NRXN1: variants seen among roughly 807,000 people sequenced by gnomAD.
The protein encoded by NRXN1 is neurexin-1.
NRXN1 carries 39 observed loss-of-function variants against 150.9 expected under a neutral mutation model. The ratio of observed to expected loss-of-function variants is 0.26; its 90% CI spans 0.20 to 0.34. The LOEUF is 0.34. Among genes scored for constraint, NRXN1 ranks in the 10% least tolerant of loss-of-function variants. The probability of loss-of-function intolerance (pLI) is 1.00; values close to 1 mark genes in which losing one functional copy is unlikely to be tolerated. For synonymous variants in NRXN1, 924 were observed against 757.0 expected, an observed-to-expected ratio of 1.22 and a Z score of -3.62; for missense variants, 1,815 against 1,949.9, an observed-to-expected ratio of 0.93 and a Z score of 1.30.
At chr2:50,102,650 G>T (rs1701129236) in intron 18 of NRXN1, among the ~76,000 whole-genome samples, 1 of 151,984 alleles carries the variant, frequency 6.6e-6, no homozygotes, top group Non-Finnish European at 1.5e-5. Context: ...AAAGAGTAAG[G>T]ATAGCATGAG....
In NRXN1 at chr2:50,427,206, A is replaced by C. The variant is rs142271352; in HGVS notation, c.3364+38236T>G. 7.9e-5 allele frequency among the ~76,000 whole-genome samples: 12 copies of C among 152,352 alleles called. No individual in the cohort carries two copies. In the East Asian group the frequency reaches 2.3e-3, roughly 29 times the overall value. On this transcript the variant is annotated intron_variant, in intron 17 of 22. Transcript: ENST00000401669. ...TAATCCATTGCTCTCAGAAAGTTATAGGACGATATCCAAATGAGAAGCCAT... is the reference window on the plus strand; with the variant it reads ...TAATCCATTGCTCTCAGAAAGTTATCGGACGATATCCAAATGAGAAGCCAT...
chr2:50,270,267 G>A lies in NRXN1; in HGVS notation c.3365-33297C>T, dbSNP rs545632735. Among the ~76,000 whole-genome samples the A allele has an allele frequency of 5.3e-5, 8 of 152,240 alleles. No homozygotes were observed. In the East Asian group the frequency reaches 1.5e-3, roughly 29 times the overall value. On this transcript the variant is annotated intron_variant, in intron 17 of 22. Coordinates refer to ENST00000401669, the MANE Select transcript of NRXN1 (RefSeq NM_001330078.2). ...ACTAAAATTCAACCTACCATCATTTGTAACATGAGCGTGGGGAAAGTAAAT... is the reference window on the plus strand; with the variant it reads ...ACTAAAATTCAACCTACCATCATTTATAACATGAGCGTGGGGAAAGTAAAT...
At chr2:50,585,928 G>T (rs931378729) in intron 8 of NRXN1, among the ~76,000 whole-genome samples, 6 of 152,278 alleles carry the variant, frequency 3.9e-5, no homozygotes, top group African/African-American at 1.4e-4. Context: ...ATCTACTCAG[G>T]CATTCTGGTA....
rs143721346 is a variant in NRXN1 at position 50,907,724 on chromosome 2, T to C, written c.832+14145A>G. On this transcript the variant is annotated intron_variant, in intron 5 of 22. Coordinates refer to ENST00000401669, the MANE Select transcript of NRXN1 (RefSeq NM_001330078.2). ...GAAAGGAGTCACCAGCCAAGGAATATAGGCAGCCTCAAAAAAGATAGAAAA... is the reference window on the plus strand; with the variant it reads ...GAAAGGAGTCACCAGCCAAGGAATACAGGCAGCCTCAAAAAAGATAGAAAA... Among the ~76,000 whole-genome samples, 556 of 152,072 alleles carry C rather than the reference T, an allele frequency of 3.7e-3. 5 individuals carry two copies. The highest frequency in any genetic ancestry group is 0.013 in the African/African-American group (523 of 41,516).
chr2:50,997,943 G>T (rs749239195), intron 2 of NRXN1, among the ~76,000 whole-genome samples: 1 of 141,568 alleles, frequency 7.1e-6, no homozygotes, highest in Admixed American at 6.8e-5. Flanking sequence ...GAAGTGCCAT[G>T]ATGAGTTCCG....
intron 17 of NRXN1, among the ~76,000 whole-genome samples, chr2:50,408,731 T>C (rs1196393965): frequency 6.6e-6 from 1 of 152,164 alleles, no homozygotes; most frequent in African/African-American, 2.4e-5. Flanking sequence ...GACTTCCATT[T>C]GCCCCTCTGC....
intron 5 of NRXN1, among the ~76,000 whole-genome samples, chr2:50,829,969 G>C (rs1035780479): frequency 1.8e-5 from 2 of 113,690 alleles, no homozygotes; most frequent in African/African-American, 7.2e-5. Context: ...AGGAGAAACC[G>C]CACAGGAACC....
intron 21 of NRXN1, among the ~76,000 whole-genome samples, chr2:49,955,895 T>C (rs545158610): frequency 6.6e-6 from 1 of 152,218 alleles, no homozygotes; most frequent in South Asian, 2.1e-4. Context: ...CCATTTGTAC[T>C]CATTTGTTGA....
intron 21 of NRXN1, among the ~76,000 whole-genome samples, chr2:49,973,545 G>A (rs905837370): frequency 1.3e-5 from 2 of 151,974 alleles, no homozygotes; most frequent in African/African-American, 4.8e-5. Context: ...AAAGCAGTCT[G>A]GCAAGTACTG....
At chr2:50,792,007 G>T (rs1430154875) in intron 5 of NRXN1, among the ~76,000 whole-genome samples, 1 of 152,040 alleles carries the variant, frequency 6.6e-6, no homozygotes, top group Non-Finnish European at 1.5e-5. Flanking sequence ...TAGTTAAGCA[G>T]GAGTGCAGAA....
rs989904365 is a variant in NRXN1 at position 50,239,340 on chromosome 2, A to C, written c.3365-2370T>G. On this transcript the variant is annotated intron_variant, in intron 17 of 22. Transcript: ENST00000401669. ...TTGTTCTCTAATGACTATATACATT[A>C]TGTGAAATAAGAAAAATATTCAAAA... Among the ~76,000 whole-genome samples, 3 of 151,566 alleles carry C rather than the reference A, an allele frequency of 2.0e-5. No homozygotes were observed. The Admixed American group carries it at 2.0e-4, about 10-fold the overall frequency.
intron 17 of NRXN1, among the ~76,000 whole-genome samples, chr2:50,389,486 T>C (rs972349664): frequency 4.0e-5 from 6 of 151,888 alleles, no homozygotes; most frequent in Non-Finnish European, 8.8e-5. Context: ...GAACATGTCA[T>C]TGATACAAGT....
In NRXN1 at chr2:50,682,620, G is replaced by A. The variant is rs566523184; in HGVS notation, c.833-59005C>T. 3.1e-4 allele frequency among the ~76,000 whole-genome samples: 47 copies of A among 152,202 alleles called. No individual in the cohort carries two copies. In the South Asian group the frequency reaches 9.8e-3, roughly 32 times the overall value. ...GAAGCAGAAAGGGTAAAAACAAAGC[G>A]AGTAATGGTGACATGCAATATTGTC... On this transcript the variant is annotated intron_variant, in intron 5 of 22. Coordinates refer to ENST00000401669, the MANE Select transcript of NRXN1 (RefSeq NM_001330078.2).
chr2:50,435,116 G>C (rs968934180), intron 17 of NRXN1, among the ~76,000 whole-genome samples: 3 of 152,058 alleles, frequency 2.0e-5, no homozygotes, highest in African/African-American at 7.2e-5. Flanking sequence ...AAGCATTTTA[G>C]AGACAGAAAA....
At chr2:50,050,707 AAAGTCAATTACG>A (rs1259945835) in intron 21 of NRXN1, among the ~76,000 whole-genome samples, 11 of 152,174 alleles carry the variant, frequency 7.2e-5, no homozygotes, top group African/African-American at 2.4e-4. Context: ...GGACAATTGA[AAAGTCAATTACG>A]AATTATGGAA....
At chr2:50,994,374 G>A (rs974981545) in intron 2 of NRXN1, among the ~76,000 whole-genome samples, 3 of 151,872 alleles carry the variant, frequency 2.0e-5, no homozygotes, top group Non-Finnish European at 4.4e-5. Context: ...ACTTAAATAG[G>A]GAGATAACTT....
chr2:50,984,094 A>T (rs1328793843), intron 2 of NRXN1, among the ~76,000 whole-genome samples: 2 of 149,004 alleles, frequency 1.3e-5, no homozygotes, highest in Non-Finnish European at 3.0e-5. Context: ...CAGCCTCCCA[A>T]GTAGCTATGA....
chr2:50,000,861 A>G (rs1683805729), intron 21 of NRXN1, among the ~76,000 whole-genome samples: 1 of 152,176 alleles, frequency 6.6e-6, no homozygotes, highest in African/African-American at 2.4e-5. Context: ...TCTGGCTGAG[A>G]TGCGGTGCAG....
chr2:50,916,226 G>C (rs1403601402), intron 5 of NRXN1, among the ~76,000 whole-genome samples: 1 of 150,736 alleles, frequency 6.6e-6, no homozygotes, highest in African/African-American at 2.4e-5. Context: ...ATTGTACAAA[G>C]TTTTGCCTAT....
Sources: gnomAD v4.1 joint callset for allele counts (sites outside exome capture counted in the v4.1 genomes callset) on GRCh38, gnomAD v4.1.1 for gene constraint, MANE v1.5 for transcripts, NCBI Gene and HGNC (gene_info 2026-07-23, HGNC 2026-07-21) for gene names.